Variants in ABHD3 observed in about 807,000 individuals in gnomAD.
The protein encoded by ABHD3 is phospholipase ABHD3.
ABHD3 carries 46 observed loss-of-function variants against 48.8 expected under a neutral mutation model. The observed-to-expected ratio is 0.94, with a 90% CI of 0.74 to 1.20. ABHD3 has a LOEUF of 1.20. Ranked by LOEUF, ABHD3 falls within the 50% of genes most tolerant of loss-of-function variation. The probability of loss-of-function intolerance (pLI) is 0.00; values close to 1 mark genes in which losing one functional copy is unlikely to be tolerated. For missense variants in ABHD3, 490 were observed against 497.8 expected (o/e 0.98, Z 0.15); for synonymous variants, 192 against 183.7 (o/e 1.04, Z -0.36).
intron 4 of ABHD3, among the ~76,000 whole-genome samples, chr18:21,668,200 CAAAAAAAAAAA>C (rs747590942): frequency 1.6e-5 from 1 of 61,332 alleles, no homozygotes; most frequent in Middle Eastern, 0.01. Flanking sequence ...GAATCTATCT[CAAAAAAAAAAA>C]AAAAAAAAAG....
At chr18:21,683,427 C>A (rs2040052534) in intron 4 of ABHD3, 2 of 384,050 alleles carry the variant, frequency 5.2e-6, no homozygotes, top group East Asian at 9.0e-5. Context: ...TGTTTCATGA[C>A]AAATGTAAAT....
chr18:21,668,149 C>T (rs562512028), intron 4 of ABHD3, among the ~76,000 whole-genome samples: 26 of 130,824 alleles, frequency 2.0e-4, no homozygotes, highest in African/African-American at 6.4e-4. Flanking sequence ...TGCAGTGAGC[C>T]GAGATCACAC....
chr18:21,698,841 A>G (rs900717842), intron 3 of ABHD3, among the ~76,000 whole-genome samples: 2 of 152,216 alleles, frequency 1.3e-5, no homozygotes, highest in African/African-American at 4.8e-5. Flanking sequence ...TTGGCCTCCC[A>G]GACTGCTGGG....
Position 21,688,064 on chromosome 18 carries a change from C to A in ABHD3, c.510-4099G>T, listed in dbSNP as rs2051081850. ...ACCTTGAATCTGCTCAGGCTTGAAC[C>A]CTGGAAGTCAAGGTTGCAGTGCTGT... is the stretch of plus-strand genomic sequence containing the variant. On this transcript the variant is annotated intron_variant, in intron 3 of 8. Transcript: ENST00000289119. Among the ~76,000 whole-genome samples, 4 of 152,168 alleles carry A rather than the reference C, an allele frequency of 2.6e-5. No homozygotes were observed. In the South Asian group the frequency reaches 8.3e-4, roughly 32 times the overall value.
At chr18:21,704,075 C>CG (rs1355949855) in intron 1 of ABHD3, among the ~76,000 whole-genome samples, 2 of 152,180 alleles carry the variant, frequency 1.3e-5, no homozygotes, top group African/African-American at 2.4e-5. Context: ...GTAATTGTAA[C>CG]GGGGTTTCAC....
chr18:21,675,021 T>C (rs2039845884), intron 4 of ABHD3, among the ~76,000 whole-genome samples: 1 of 151,890 alleles, frequency 6.6e-6, no homozygotes, highest in African/African-American at 2.4e-5. Context: ...AAAACAGATT[T>C]CTCTAAACCT....
chr18:21,674,989 A>G (rs2039845086), intron 4 of ABHD3, among the ~76,000 whole-genome samples: 1 of 152,212 alleles, frequency 6.6e-6, no homozygotes, highest in African/African-American at 2.4e-5. Context: ...ACTAGCTTCC[A>G]TGGAAAAGCT....
chr18:21,654,002 C>T (rs1004230929), intron 8 of ABHD3, among the ~76,000 whole-genome samples: 5 of 151,628 alleles, frequency 3.3e-5, no homozygotes, highest in South Asian at 2.1e-4. Flanking sequence ...TGTCCCACCA[C>T]GGCCAGCTAA....
chr18:21,667,891 A>G (rs1255356799), intron 4 of ABHD3, among the ~76,000 whole-genome samples: 2 of 152,048 alleles, frequency 1.3e-5, no homozygotes, highest in African/African-American at 4.8e-5. Flanking sequence ...AATTCAACGT[A>G]AAATCTAAAT....
chr18:21,684,657 C>A (rs2040090905), intron 3 of ABHD3, among the ~76,000 whole-genome samples: 1 of 152,080 alleles, frequency 6.6e-6, no homozygotes, highest in East Asian at 1.9e-4. Flanking sequence ...AAATATATAT[C>A]CTCTACCCAT....
chr18:21,664,296 A>C, intron 4 of ABHD3, 66 bp from the exon 5 acceptor site: 4 of 1,480,722 alleles, frequency 2.7e-6, no homozygotes, highest in Non-Finnish European at 3.7e-6. Flanking sequence ...AAAATGCAGA[A>C]ATGTAAACAG....
At position 21,663,623 on chromosome 18, in the gene ABHD3, A is replaced by G. The variant is rs2039551138; in HGVS notation, c.668+495T>C. ...ACAAAATTTCAGTTTCTAGGAGAGC[A>G]CTCCACAGTAGTTCCATTTGCCCAG... is the stretch of plus-strand genomic sequence containing the variant. On this transcript the variant is annotated intron_variant, in intron 5 of 8. Transcript: ENST00000289119. 2.0e-6 allele frequency: 3 copies of G among 1,503,964 alleles called. No homozygotes were observed. In the South Asian group the frequency reaches 3.6e-5, roughly 18 times the overall value. The allele number at this position is 1,503,964 out of a possible 1,614,324, so 93.2% of individuals were successfully genotyped here. A position where few individuals can be genotyped will look rare whatever the true frequency, so the allele number is the denominator to read the frequency against.
chr18:21,672,772 TCAGA>T (rs2039784474), intron 4 of ABHD3, among the ~76,000 whole-genome samples: 2 of 152,102 alleles, frequency 1.3e-5, no homozygotes, highest in East Asian at 1.9e-4. Flanking sequence ...AAATAATGAG[TCAGA>T]CAGAAGAAAA....
At chr18:21,678,692 C>T (rs2039942378) in intron 4 of ABHD3, among the ~76,000 whole-genome samples, 1 of 152,002 alleles carries the variant, frequency 6.6e-6, no homozygotes, top group South Asian at 2.1e-4. Flanking sequence ...GCTTGGATTC[C>T]TATCCTTGAA....
intron 1 of ABHD3, 24 bp downstream of exon 1, chr18:21,704,480 G>A: frequency 7.3e-7 from 1 of 1,363,584 alleles, no homozygotes; most frequent in Non-Finnish European, 9.5e-7. Flanking sequence ...AGCAGCCCGC[G>A]GCCCTGCGCC....
chr18:21,694,642 C>G (rs1285429328), intron 3 of ABHD3, among the ~76,000 whole-genome samples: 1 of 152,150 alleles, frequency 6.6e-6, no homozygotes, highest in Non-Finnish European at 1.5e-5. Context: ...AAAAATCCCT[C>G]GAGTGATCCT....
intron 4 of ABHD3, among the ~76,000 whole-genome samples, chr18:21,666,249 T>G (rs1281019737): frequency 2.0e-5 from 3 of 152,046 alleles, no homozygotes; most frequent in African/African-American, 7.2e-5. Context: ...GATGGAGTGC[T>G]GTGGCGCGAT....
At chr18:21,656,114 C>CCTT (rs1362160584) in intron 8 of ABHD3, among the ~76,000 whole-genome samples, 3 of 151,106 alleles carry the variant, frequency 2.0e-5, no homozygotes, top group Non-Finnish European at 4.4e-5. Flanking sequence ...CGAGATCGTG[C>CCTT]CTTTGCACTC....
At chr18:21,678,709 T>C (rs1003057953) in intron 4 of ABHD3, among the ~76,000 whole-genome samples, 8 of 152,054 alleles carry the variant, frequency 5.3e-5, no homozygotes, top group African/African-American at 1.9e-4. Context: ...TGAAAACCAA[T>C]CTGCAGAGTA....
Sources: gnomAD v4.1 joint callset for allele counts (sites outside exome capture counted in the v4.1 genomes callset) on GRCh38, gnomAD v4.1.1 for gene constraint, MANE v1.5 for transcripts, NCBI Gene and HGNC (gene_info 2026-07-23, HGNC 2026-07-21) for gene names.